Variants in THBS4 observed in about 807,000 individuals in gnomAD.
THBS4 encodes the protein thrombospondin 4.
A neutral mutation model predicts 115.7 loss-of-function variants in THBS4; 90 were observed. The observed-to-expected ratio is 0.78, with a 90% CI of 0.66 to 0.93. The LOEUF (loss-of-function observed/expected upper bound fraction) is 0.93, where lower values mean the gene tolerates loss of function less well. Among genes scored for constraint, THBS4 ranks in the 40% least tolerant of loss-of-function variants. The pLI is 0.00. For missense variants in THBS4, 1,087 were observed against 1,232.7 expected (o/e 0.88, Z 1.77); for synonymous variants, 460 against 479.3 (o/e 0.96, Z 0.53).
intron 2 of THBS4, among the ~76,000 whole-genome samples, chr5:80,005,993 T>TTGACCTCG (rs1257175937): frequency 5.3e-4 from 81 of 152,112 alleles, no homozygotes; most frequent in Non-Finnish European, 7.9e-4. Context: ...TCTCGATCTC[T>TTGACCTCG]TGACCTCGTG....
At chr5:79,991,789 A>G (rs1831679145) in intron 1 of THBS4, among the ~76,000 whole-genome samples, 1 of 152,196 alleles carries the variant, frequency 6.6e-6, no homozygotes, top group African/African-American at 2.4e-5. Flanking sequence ...AATCTGGAAT[A>G]TCTTTCTTCC....
intron 19 of THBS4, 152 bp from the exon 20 acceptor site, chr5:80,079,753 A>G: frequency 1.3e-6 from 1 of 764,674 alleles, no homozygotes; most frequent in Non-Finnish European, 2.1e-6. Flanking sequence ...TCACCTCCAT[A>G]GAAATGACAT....
chr5:80,059,212 C>T (rs925110485), intron 5 of THBS4, among the ~76,000 whole-genome samples: 1 of 151,934 alleles, frequency 6.6e-6, no homozygotes, highest in Non-Finnish European at 1.5e-5. Flanking sequence ...TGCCTATAAT[C>T]CCAGCTACTC....
rs1480750626 is a variant in THBS4 at position 80,040,396 on chromosome 5, A to T, written c.292+116A>T. The T allele has an allele frequency of 1.8e-5, 12 of 651,102 alleles. 1 individual carries two copies. The Admixed American group carries it at 3.3e-4, about 18-fold the overall frequency. 40.3% of individuals were successfully genotyped at this position (651,102 alleles called of 1,614,324 possible). A position where few individuals can be genotyped will look rare whatever the true frequency, so the allele number is the denominator to read the frequency against. On this transcript the variant is annotated intron_variant, in intron 2 of 21. Transcript: ENST00000350881. ...ACAATTATATTCTCACTCACTAGTC[A>T]TTTCAGTTTTTAATACTGAATTCTT...
chr5:80,071,116 C>G lies in THBS4; in HGVS notation c.1656C>G (p.Asn552Lys). 1 of 1,609,904 alleles carries G rather than the reference C, an allele frequency of 6.2e-7. No individual in the cohort carries two copies. The highest frequency in any genetic ancestry group is 8.5e-7 in the Non-Finnish European group (1 of 1,179,060). The change falls in exon 13 of 22, where the codon AAC becomes AAG. Residue 552 changes from asparagine (N) to lysine (K), a missense_variant. This residue lies in a region of THBS4 where 979 missense variants were observed against 1,103.7 expected (regional missense o/e 0.89). Coordinates refer to ENST00000350881, the MANE Select transcript of THBS4 (RefSeq NM_003248.6). ...ACDNCLSVLNNDQKDTDGDGR... is the reference protein window; with the variant it reads ...ACDNCLSVLNKDQKDTDGDGR... ...ATAACTGCCTGAGTGTCTTAAATAA[C>G]GACCAGAAAGACACCGATGGGGATG...
Position 80,035,965 on chromosome 5 carries a change from C to G in THBS4, c.88+340C>G, listed in dbSNP as rs1832707226. 2 of 1,038,178 alleles carry G rather than the reference C, an allele frequency of 1.9e-6. No individual in the cohort carries two copies. Among genetic ancestry groups the G allele is most frequent in the South Asian group, 4.6e-5 (1 of 21,770 alleles). 64.3% of individuals were successfully genotyped at this position (1,038,178 alleles called of 1,614,324 possible). On this transcript the variant is annotated intron_variant, in intron 1 of 21. Coordinates refer to ENST00000350881, the MANE Select transcript of THBS4 (RefSeq NM_003248.6). The surrounding 1 kb of genome is among the most constrained non-coding windows in gnomAD (Gnocchi z 4.6). ...CTCTGGTGTAGGGTGAATTCCGGGT[C>G]CTGCACCCTGTGCCGGTTCCCTCCA...
At position 80,079,226 on chromosome 5, in the gene THBS4, C is replaced by G. The variant is rs767609886; in HGVS notation, c.2479C>G (p.Arg827Gly). ...EQTYWQATPF[R>G]AVAEPGIQLK... ...GACATATTGGCAAGCCACCCCATTC[C>G]GAGCAGTTGCAGAACCTGGCATTCA... Residue 827 changes from arginine to glycine, a missense_variant, in exon 19 of 22, where the codon CGA becomes GGA. Arg to Gly is a moderately radical substitution (Grantham distance 125, BLOSUM62 -2). Transcript: ENST00000350881. 1 of 1,613,238 alleles carries G rather than the reference C, an allele frequency of 6.2e-7. No homozygotes were observed. Among genetic ancestry groups the G allele is most frequent in the Non-Finnish European group, 8.5e-7 (1 of 1,179,472 alleles).
chr5:80,051,492 G>A (rs2112071223), intron 2 of THBS4, among the ~76,000 whole-genome samples: 1 of 152,320 alleles, frequency 6.6e-6, no homozygotes, highest in South Asian at 2.1e-4. Flanking sequence ...TGTGAAGGTG[G>A]AAGTTTCCAT....
chr5:80,074,723 C>T (rs1179015419), intron 15 of THBS4, among the ~76,000 whole-genome samples: 1 of 151,720 alleles, frequency 6.6e-6, no homozygotes, highest in African/African-American at 2.4e-5. Context: ...AAGCAATTCT[C>T]ATGCCTCAGA....
Position 80,070,287 on chromosome 5 carries a change from A to G in THBS4, c.1348-19A>G. 3.2e-6 allele frequency: 5 copies of G among 1,545,498 alleles called. No homozygotes were observed. Among genetic ancestry groups the G allele is most frequent in the Non-Finnish European group, 4.3e-6 (5 of 1,150,990 alleles). On this transcript the variant is annotated intron_variant, in intron 10 of 21. Transcript: ENST00000350881. ...CCAGGCTCAGCTTCCCAGGCCTCTGATGGGCTTTCCCTTTACAGTGTGGAG... is the reference window on the plus strand; with the variant it reads ...CCAGGCTCAGCTTCCCAGGCCTCTGGTGGGCTTTCCCTTTACAGTGTGGAG...
intron 2 of THBS4, among the ~76,000 whole-genome samples, chr5:80,000,812 G>A (rs898698748): frequency 1.3e-5 from 2 of 152,128 alleles, no homozygotes; most frequent in Non-Finnish European, 2.9e-5. Flanking sequence ...GCGTATGTGT[G>A]TGCACTGGTG....
intron 2 of THBS4, among the ~76,000 whole-genome samples, chr5:80,015,709 C>T (rs1832232631): frequency 6.6e-6 from 1 of 152,110 alleles, no homozygotes; most frequent in African/African-American, 2.4e-5. Context: ...CATGCTGGCT[C>T]CCAAGGCAAG....
chr5:80,080,051 G>A lies in THBS4; in HGVS notation c.2658G>A (p.Gln886=). The change falls in exon 20 of 22, where the codon CAG becomes CAA. Residue 886 remains glutamine (Q), a synonymous_variant. Coordinates refer to ENST00000350881, the MANE Select transcript of THBS4 (RefSeq NM_003248.6). Reference sequence around the variant, plus strand: ...AGGTGTCCTACCGCTGGTTCCTACAGCACAGGCCCCAGGTGGGCTACATCA... The same window carrying A: ...AGGTGTCCTACCGCTGGTTCCTACAACACAGGCCCCAGGTGGGCTACATCA... ...KDKVSYRWFL[Q]HRPQVGYIRV... is the part of the protein sequence containing the mutation. 14 of 1,614,080 alleles carry A rather than the reference G, an allele frequency of 8.7e-6. No individual in the cohort carries two copies. The highest frequency in any genetic ancestry group is 1.2e-5 in the Non-Finnish European group (14 of 1,179,972).
At chr5:80,011,997 CT>C (rs988620764) in intron 2 of THBS4, among the ~76,000 whole-genome samples, 1 of 152,060 alleles carries the variant, frequency 6.6e-6, no homozygotes, top group Non-Finnish European at 1.5e-5. Flanking sequence ...TAATAATGTT[CT>C]GTTTAAAAGA....
chr5:80,070,469 T>A, intron 11 of THBS4, 59 bp downstream of exon 11: 1 of 1,514,504 alleles, frequency 6.6e-7, no homozygotes, highest in Non-Finnish European at 9.2e-7. Flanking sequence ...AAGTCACATC[T>A]TCTATGGGGA....
chr5:80,002,937 C>A (rs66599081), intron 2 of THBS4, among the ~76,000 whole-genome samples: 8,429 of 145,458 alleles, frequency 0.058, 296 homozygotes, highest in Non-Finnish European at 0.086. Context: ...AAAAAAAAAA[C>A]AAAAACATGT....
chr5:80,015,352 C>T (rs1832226185), intron 2 of THBS4, among the ~76,000 whole-genome samples: 1 of 152,108 alleles, frequency 6.6e-6, no homozygotes, highest in South Asian at 2.1e-4. Context: ...GGTGAGTATG[C>T]CCTTGTGGGG....
At chr5:80,032,239 T>C (rs1020657123), upstream of THBS4, among the ~76,000 whole-genome samples, 2 of 152,224 alleles carry the variant, frequency 1.3e-5, no homozygotes, top group African/African-American at 4.8e-5. Context: ...TAAAGTTTAC[T>C]GAGACTCCCT....
chr5:80,033,760 G>A (rs1832632534), upstream of THBS4, among the ~76,000 whole-genome samples: 1 of 152,194 alleles, frequency 6.6e-6, no homozygotes, highest in African/African-American at 2.4e-5. Flanking sequence ...CCTATTTTAT[G>A]TATCAGAGTA....
Sources: allele counts gnomAD v4.1 joint callset (sites outside exome capture counted in the v4.1 genomes callset), GRCh38; gene constraint gnomAD v4.1.1; regional missense constraint gnomAD v4.1.1; non-coding constraint Gnocchi (gnomAD v3.1); transcripts MANE v1.5; gene names NCBI Gene and HGNC (gene_info 2026-07-23, HGNC 2026-07-21).